TUBGCP6: variants seen among roughly 807,000 people sequenced by gnomAD.
The protein encoded by TUBGCP6 is tubulin gamma complex component 6, also known as gamma-tubulin complex component 6.
In TUBGCP6, 161 loss-of-function variants were observed where a neutral mutation model predicts 175.8. The ratio of observed to expected loss-of-function variants is 0.92; its 90% CI spans 0.81 to 1.04. The LOEUF (loss-of-function observed/expected upper bound fraction) is 1.04, where lower values mean the gene tolerates loss of function less well. Among genes scored for constraint, TUBGCP6 ranks in the 50% least tolerant of loss-of-function variants. TUBGCP6 has a pLI of 0.00. For missense variants in TUBGCP6, 2,572 were observed against 2,433.0 expected, an observed-to-expected ratio of 1.06 and a Z score of -1.20; for synonymous variants, 1,173 against 1,030.5, an observed-to-expected ratio of 1.14 and a Z score of -2.65.
chr22:50,222,140 A>G, intron 14 of TUBGCP6, 38 bp from the exon 15 acceptor site: 1 of 1,597,746 alleles, frequency 6.3e-7, no homozygotes, highest in Non-Finnish European at 8.6e-7. Flanking sequence ...GCCAAGCCGG[A>G]GTCAAGCACA....
chr22:50,231,943 G>A (rs1402735333), intron 3 of TUBGCP6, among the ~76,000 whole-genome samples: 2 of 151,918 alleles, frequency 1.3e-5, no homozygotes, highest in South Asian at 2.1e-4. Context: ...AGTAGGGGCC[G>A]GGCGTGGCGG....
Position 50,218,509 on chromosome 22 carries a change from A to G in TUBGCP6, c.4933T>C (p.Cys1645Arg). The G allele has an allele frequency of 6.2e-7, 1 of 1,613,618 alleles. No individual in the cohort carries two copies. The highest frequency in any genetic ancestry group is 8.5e-7 in the Non-Finnish European group (1 of 1,179,950). The change falls in exon 22 of 25, where the codon TGC becomes CGC. Residue 1645 changes from cysteine (C) to arginine (R), a missense_variant. Physicochemically the swap from Cys to Arg is radical, Grantham distance 180. Coordinates refer to ENST00000248846, the MANE Select transcript of TUBGCP6 (RefSeq NM_020461.4). ...TCACCTGTGCGCTTGAGGTGGAAGC[A>G]GACGTCCTTGAGCGCCCACATCATG... ...KLMMWALKDV[C>R]FHLKRTALLS...
In TUBGCP6 at chr22:50,221,169, C is replaced by T. The variant is rs149231425; in HGVS notation, c.3190G>A (p.Gly1064Arg). Residue 1064 changes from glycine to arginine, a missense_variant, in exon 16 of 25, where the codon GGG becomes AGG. Coordinates refer to ENST00000248846, the MANE Select transcript of TUBGCP6 (RefSeq NM_020461.4). ...GGAGCCACATCTGACACATTCTCCC[C>T]GACCCTGATGCTGGCGTCAGACACG... The part of the protein sequence containing the change: ...GHVSDASIRV[G>R]ENVSDVAPTQ... 41,744 of 1,613,452 alleles carry T rather than the reference C, an allele frequency of 0.026. 645 individuals are homozygous for T. The highest frequency in any genetic ancestry group is 0.031 in the Non-Finnish European group (36,353 of 1,179,742).
Position 50,243,792 on chromosome 22 carries a change from G to C in TUBGCP6, c.668C>G (p.Thr223Ser). The change falls in exon 1 of 25, where the codon ACT becomes AGT. Residue 223 changes from threonine to serine, a missense_variant. Physicochemically the swap from Thr to Ser is moderately conservative, Grantham distance 58. Coordinates refer to ENST00000248846, the MANE Select transcript of TUBGCP6 (RefSeq NM_020461.4). Reference protein sequence around the residue: ...SLFGALVHSRTYDMDVRLGLP... With the variant: ...SLFGALVHSRSYDMDVRLGLP... ...GCCCAGTCGGACGTCCATGTCATAAGTGCGGCTGTGCACAAGGGCCCCGAA... is the reference window on the plus strand; with the variant it reads ...GCCCAGTCGGACGTCCATGTCATAACTGCGGCTGTGCACAAGGGCCCCGAA... 2 of 1,613,598 alleles carry C rather than the reference G, an allele frequency of 1.2e-6. No individual in the cohort carries two copies. Among genetic ancestry groups the C allele is most frequent in the East Asian group, 2.2e-5 (1 of 44,880 alleles).
In TUBGCP6 at chr22:50,219,881, A is replaced by G; in HGVS notation, c.4167+76T>C. On this transcript the variant is annotated intron_variant, in intron 17 of 24. Transcript: ENST00000248846. The stretch of plus-strand genomic sequence containing the variant: ...CAAAAAAAGGAAAATCGCATGTGGG[A>G]CCCACCCGCGTGACAACCTAGAGGG... The G allele has an allele frequency of 2.5e-6, 4 of 1,603,870 alleles. No homozygotes were observed. The South Asian group carries it at 3.3e-5, about 13-fold the overall frequency.
rs769917510 is a variant in TUBGCP6 at position 50,243,870 on chromosome 22, G to A, written c.590C>T (p.Ser197Leu). The part of the protein sequence containing the change: ...GTGLPTVGLF[S>L]FGDPCGDRFE... ...CCTGTCACCACAAGGGTCACCAAAT[G>A]AGAAGAGCCCGACGGTGGGCAGGCC... is the stretch of plus-strand genomic sequence containing the variant. Residue 197 changes from serine to leucine, a missense_variant, in exon 1 of 25, where the codon TCA (serine) becomes TTA (leucine). Physicochemically the swap from Ser to Leu is moderately radical, Grantham distance 145. Transcript: ENST00000248846. 3.7e-6 allele frequency: 6 copies of A among 1,613,876 alleles called. No individual in the cohort carries two copies. The highest frequency in any genetic ancestry group is 5.1e-6 in the Non-Finnish European group (6 of 1,180,028).
intron 7 of TUBGCP6, 99 bp downstream of exon 7, chr22:50,226,634 G>A (rs2064614940): frequency 9.0e-7 from 1 of 1,113,606 alleles, no homozygotes; most frequent in Admixed American, 2.0e-5. Flanking sequence ...CCCTTCCTGT[G>A]TGACCCCCAC....
rs768068414 is a variant in TUBGCP6, at chr22:50,218,865, G to A, written c.4659C>T (p.Leu1553=). 1.1e-5 allele frequency: 17 copies of A among 1,613,322 alleles called. 1 individual carries two copies. In the Middle Eastern group the frequency reaches 4.9e-4, roughly 47 times the overall value. ...LGAGQTPGEL[L]NPLVLNSVLS... ...GCACAGAGTTCAGCACCAGCGGGTT[G>A]AGCAGCTCTCCGGGCGTTTGCCCAG... The change falls in exon 21 of 25, where the codon CTC becomes CTT. Residue 1553 remains leucine, a synonymous_variant. Transcript: ENST00000248846.
chr22:50,226,309 G>C lies in TUBGCP6; in HGVS notation c.1671C>G (p.Asn557Lys). Residue 557 changes from asparagine to lysine, a missense_variant, in exon 8 of 25, where the codon AAC becomes AAG. By Grantham distance (94) the Asn-to-Lys change is moderately conservative. Transcript: ENST00000248846. Reference protein sequence around the residue: ...DAYGEFMIQVNHEYLSFRDKL... With the variant: ...DAYGEFMIQVKHEYLSFRDKL... ...TACCTCGGAAGCTGAGGTACTCGTG[G>C]TTCACCTGAATCATGAACTCGCCAT... 4 of 1,613,898 alleles carry C rather than the reference G, an allele frequency of 2.5e-6. No individual in the cohort carries two copies. Among genetic ancestry groups the C allele is most frequent in the East Asian group, 2.2e-5 (1 of 44,864 alleles).
intron 4 of TUBGCP6, among the ~76,000 whole-genome samples, chr22:50,228,754 A>ACACCT (rs1258756394): frequency 6.6e-6 from 1 of 151,756 alleles, no homozygotes; most frequent in Non-Finnish European, 1.5e-5. Flanking sequence ...TCTAAAACCT[A>ACACCT]CACCTCACCA....
chr22:50,236,762 G>C (rs1194058131), intron 2 of TUBGCP6, among the ~76,000 whole-genome samples: 1 of 152,192 alleles, frequency 6.6e-6, no homozygotes, highest in Admixed American at 6.5e-5. Context: ...ATGAGCATGA[G>C]AAAGACACAG....
At chr22:50,222,415 G>A (rs1326197348) in intron 14 of TUBGCP6, 39 bp downstream of exon 14, 1 of 1,610,564 alleles carries the variant, frequency 6.2e-7, no homozygotes, top group Non-Finnish European at 8.5e-7. Context: ...GACCCCCAAA[G>A]CCCAGGGGAA....
chr22:50,217,906 G>A lies in TUBGCP6; in HGVS notation c.5368+12C>T, dbSNP rs754776705. 1 of 1,606,228 alleles carries A rather than the reference G, an allele frequency of 6.2e-7. No homozygotes were observed. On this transcript the variant is annotated intron_variant, in intron 24 of 24. Coordinates refer to ENST00000248846, the MANE Select transcript of TUBGCP6 (RefSeq NM_020461.4). ...GCCCCCCCGCAGCCCTCCCAGCCAGGGTGGGCCTCACCTTTGAAGAGAAAG... is the reference window on the plus strand; with the variant it reads ...GCCCCCCCGCAGCCCTCCCAGCCAGAGTGGGCCTCACCTTTGAAGAGAAAG...
intron 14 of TUBGCP6, 49 bp downstream of exon 14, chr22:50,222,405 G>T (rs781245954): frequency 4.4e-6 from 7 of 1,606,530 alleles, no homozygotes; most frequent in Non-Finnish European, 3.4e-6. Context: ...GGGGTTTCCA[G>T]ACCCCCAAAG....
Position 50,224,426 on chromosome 22 carries a change from T to A in TUBGCP6, c.2066-6A>T, listed in dbSNP as rs368765755. 6 of 1,614,150 alleles carry A rather than the reference T, an allele frequency of 3.7e-6. No homozygotes were observed. In the East Asian group the frequency reaches 1.1e-4, roughly 30 times the overall value. ...CCGTTCTGACATCTGCCGGTCTACA[T>A]TGGGACAGTAAGGGGCGCACTGTCA... is the stretch of plus-strand genomic sequence containing the variant. On this transcript the variant is annotated splice_region_variant and splice_polypyrimidine_tract_variant and intron_variant, in intron 11 of 24. Coordinates refer to ENST00000248846, the MANE Select transcript of TUBGCP6 (RefSeq NM_020461.4).
chr22:50,220,311 C>A lies in TUBGCP6; in HGVS notation c.4048G>T (p.Val1350Leu), dbSNP rs755040883. 28 of 1,575,754 alleles carry A rather than the reference C, an allele frequency of 1.8e-5. No homozygotes were observed. In the Admixed American group the frequency reaches 4.2e-4, roughly 24 times the overall value. ...GGCCACCATGGTTGGGTGGGAGCCACGTCTGACACGTTCTCCCCCACGCTG... is the reference window on the plus strand; with the variant it reads ...GGCCACCATGGTTGGGTGGGAGCCAAGTCTGACACGTTCTCCCCCACGCTG... The part of the protein sequence containing the change: ...SISVGENVSD[V>L]APTQPWWPNT... The change falls in exon 16 of 25, where the codon GTG (valine) becomes TTG (leucine). Residue 1350 changes from valine to leucine, a missense_variant. Coordinates refer to ENST00000248846, the MANE Select transcript of TUBGCP6 (RefSeq NM_020461.4).
chr22:50,233,213 C>T, intron 3 of TUBGCP6, 103 bp downstream of exon 3: 1 of 1,362,880 alleles, frequency 7.3e-7, no homozygotes, highest in East Asian at 2.5e-5. Flanking sequence ...CCACTCCCCA[C>T]TCCCTGCACT....
At chr22:50,224,664 T>G in intron 10 of TUBGCP6, 72 bp from the exon 11 acceptor site, 1 of 1,508,808 alleles carries the variant, frequency 6.6e-7, no homozygotes, top group Non-Finnish European at 9.1e-7. Flanking sequence ...CCTGGCACTT[T>G]GGGAGGCCGA....
At position 50,217,744 on chromosome 22, in the gene TUBGCP6, C is replaced by T. The variant is rs768009656; in HGVS notation, c.5452G>A (p.Asp1818Asn). ...TCCCCCGCAGAGCAGCCTCAGGCGT[C>T]CTGGTAGTAGTTGTTGAAGTTGATG... is the stretch of plus-strand genomic sequence containing the variant. ...LRINFNNYYQ[D>N]A The change falls in exon 25 of 25, where the codon GAC (aspartate) becomes AAC (asparagine). Residue 1818 changes from aspartate (D) to asparagine (N), a missense_variant. Coordinates refer to ENST00000248846, the MANE Select transcript of TUBGCP6 (RefSeq NM_020461.4). 6 of 1,614,002 alleles carry T rather than the reference C, an allele frequency of 3.7e-6. No individual in the cohort carries two copies. The highest frequency in any genetic ancestry group is 4.2e-6 in the Non-Finnish European group (5 of 1,179,976).
Sources: allele counts gnomAD v4.1 joint callset (sites outside exome capture counted in the v4.1 genomes callset), GRCh38; gene constraint gnomAD v4.1.1; transcripts MANE v1.5; gene names NCBI Gene and HGNC (gene_info 2026-07-23, HGNC 2026-07-21).